RABGEF1: variants seen among roughly 807,000 people sequenced by gnomAD.
RABGEF1 encodes the protein rab5 GDP/GTP exchange factor.
Under a neutral mutation model 57.3 loss-of-function variants are expected in RABGEF1, and 26 were observed. That is an observed-to-expected ratio of 0.45 (90% CI 0.33 to 0.63). The LOEUF (loss-of-function observed/expected upper bound fraction) is 0.63, where lower values mean the gene tolerates loss of function less well. Among genes scored for constraint, RABGEF1 ranks in the 20% least tolerant of loss-of-function variants. The pLI is 0.02. For missense variants in RABGEF1, 464 were observed against 607.6 expected (o/e 0.76, Z 2.48); for synonymous variants, 185 against 210.7 (o/e 0.88, Z 1.06).
intron 1 of RABGEF1, among the ~76,000 whole-genome samples, chr7:66,711,034 C>T (rs965377244): frequency 2.0e-5 from 3 of 152,054 alleles, no homozygotes; most frequent in Non-Finnish European, 2.9e-5. Context: ...ATGGCGTGTA[C>T]CTGTAGTCCC....
At chr7:66,758,477 A>G (rs1045506168) in intron 1 of RABGEF1, among the ~76,000 whole-genome samples, 17 of 152,178 alleles carry the variant, frequency 1.1e-4, no homozygotes, top group African/African-American at 3.1e-4. Flanking sequence ...CCAAGCTTCT[A>G]TTTATTGGAA....
intron 8 of RABGEF1, among the ~76,000 whole-genome samples, chr7:66,805,911 A>AT (rs397966748): frequency 0.01 from 1,455 of 140,858 alleles, 19 homozygotes; most frequent in African/African-American, 0.021. Flanking sequence ...CACCGGGCCA[A>AT]TTTTTTTTTT....
At chr7:66,704,999 A>G (rs1793800470) in intron 1 of RABGEF1, among the ~76,000 whole-genome samples, 1 of 152,180 alleles carries the variant, frequency 6.6e-6, no homozygotes, top group Non-Finnish European at 1.5e-5. Context: ...GGATTCTTGT[A>G]CATGTTTTGT....
intron 1 of RABGEF1, among the ~76,000 whole-genome samples, chr7:66,696,177 C>T (rs998761364): frequency 2.0e-5 from 3 of 152,078 alleles, no homozygotes; most frequent in Non-Finnish European, 4.4e-5. Flanking sequence ...GCTATCCTCT[C>T]GCTTCTGGCC....
At chr7:66,675,947 C>CA in the RABGEF1 span, among the ~76,000 whole-genome samples, 1 of 152,266 alleles carries the variant, frequency 6.6e-6, no homozygotes, top group African/African-American at 2.4e-5. Context: ...AATGGAAAGA[C>CA]ATGTCATGTA....
At chr7:66,734,836 C>T (rs1193081704) in intron 2 of RABGEF1, among the ~76,000 whole-genome samples, 2 of 152,128 alleles carry the variant, frequency 1.3e-5, no homozygotes, top group African/African-American at 2.4e-5. Context: ...CTTCCTCCTG[C>T]TCGGTTGGTC....
In RABGEF1 at chr7:66,720,060, CA is replaced by C. The variant is rs1165157963; in HGVS notation, c.-815+7841del. Among the ~76,000 whole-genome samples, 16 of 151,590 alleles carry C rather than the reference CA, an allele frequency of 1.1e-4. No individual in the cohort carries two copies. In the East Asian group the frequency reaches 2.1e-3, roughly 20 times the overall value. On this transcript the variant is annotated intron_variant and NMD_transcript_variant, in intron 2 of 9. Coordinates refer to the RABGEF1 transcript ENST00000607882. ...TACAATGTTGCTTTAACAACAAAAA[CA>C]AAAATAAGTCAATGTAATGCAATAT...
intron 1 of RABGEF1, among the ~76,000 whole-genome samples, chr7:66,686,834 T>C (rs1007847714): frequency 1.8e-4 from 28 of 151,966 alleles, no homozygotes; most frequent in Admixed American, 1.3e-4. Context: ...TTTTCTTTTT[T>C]TTTTTGAGAT....
intron 1 of RABGEF1, among the ~76,000 whole-genome samples, chr7:66,762,363 G>A (rs1353364080): frequency 6.6e-6 from 1 of 152,046 alleles, no homozygotes; most frequent in African/African-American, 2.4e-5. Flanking sequence ...GGCCAAGGTG[G>A]GTGGATCACT....
intron 1 of RABGEF1, among the ~76,000 whole-genome samples, chr7:66,694,615 C>T (rs555973899): frequency 6.6e-6 from 1 of 152,342 alleles, no homozygotes; most frequent in Non-Finnish European, 1.5e-5. Flanking sequence ...GGGCAGGGCC[C>T]AGGAGCTAGT....
intron 4 of RABGEF1, among the ~76,000 whole-genome samples, chr7:66,788,552 A>G (rs1345371031): frequency 1.3e-5 from 2 of 152,154 alleles, no homozygotes; most frequent in Non-Finnish European, 2.9e-5. Flanking sequence ...TACTCCATTC[A>G]TGGCAATCAA....
chr7:66,754,777 C>T (rs1259389389), intron 1 of RABGEF1, among the ~76,000 whole-genome samples: 9 of 152,140 alleles, frequency 5.9e-5, no homozygotes, highest in Non-Finnish European at 1.3e-4. Context: ...TTCTCTAAAC[C>T]AGTGTGGGCG....
At chr7:66,756,780 T>C (rs934720276) in intron 1 of RABGEF1, among the ~76,000 whole-genome samples, 1 of 152,192 alleles carries the variant, frequency 6.6e-6, no homozygotes, top group African/African-American at 2.4e-5. Context: ...TCTTTAACTT[T>C]TTAAAGATAC....
intron 4 of RABGEF1, among the ~76,000 whole-genome samples, chr7:66,789,479 G>A (rs1398846990): frequency 1.3e-5 from 2 of 151,922 alleles, no homozygotes; most frequent in African/African-American, 4.8e-5. Flanking sequence ...TCAGGAGATC[G>A]AGACCATCCT....
At chr7:66,729,431 C>T (rs1229776131) in intron 2 of RABGEF1, among the ~76,000 whole-genome samples, 1 of 152,246 alleles carries the variant, frequency 6.6e-6, no homozygotes, top group African/African-American at 2.4e-5. Flanking sequence ...TCTGTCCTCC[C>T]GTCTATTCTC....
intron 1 of RABGEF1, among the ~76,000 whole-genome samples, chr7:66,749,906 G>A (rs913137960): frequency 2.0e-5 from 3 of 152,084 alleles, no homozygotes; most frequent in Non-Finnish European, 1.5e-5. Context: ...CCTGGGAGGC[G>A]GAGCTTGCAG....
intron 2 of RABGEF1, among the ~76,000 whole-genome samples, 160 bp from the exon 3 acceptor site, chr7:66,775,067 C>G (rs1808201888): frequency 1.3e-5 from 2 of 152,150 alleles, no homozygotes; most frequent in Admixed American, 1.3e-4. Context: ...CATGAAGAGC[C>G]GTCCATCCTG....
chr7:66,682,121 G>C (rs1036648649), upstream of RABGEF1: 1 of 167,878 alleles, frequency 6.0e-6, no homozygotes. Context: ...GGGGGGGCGG[G>C]GCAAGCAGGG....
Position 66,796,907 on chromosome 7 carries a change from T to C in RABGEF1, c.596-467T>C, listed in dbSNP as rs189727666. Reference sequence around the variant, plus strand: ...GCACCCAGCTGGTAAGTTTTTTTTTTAAGCGTATTTTTAAATATAACATTC... The same window carrying C: ...GCACCCAGCTGGTAAGTTTTTTTTTCAAGCGTATTTTTAAATATAACATTC... On this transcript the variant is annotated intron_variant, in intron 5 of 8. Coordinates refer to ENST00000284957, the MANE Select transcript of RABGEF1 (RefSeq NM_014504.3). 1.5e-3 allele frequency: 692 copies of C among 447,356 alleles called. 7 individuals are homozygous for C. The highest frequency in any genetic ancestry group is 0.013 in the African/African-American group (641 of 49,308). The allele number at this position is 447,356 out of a possible 1,614,324, so 27.7% of individuals were successfully genotyped here.
Sources: allele counts gnomAD v4.1 joint callset (sites outside exome capture counted in the v4.1 genomes callset), GRCh38; gene constraint gnomAD v4.1.1; transcripts MANE v1.5; gene names NCBI Gene and HGNC (gene_info 2026-07-23, HGNC 2026-07-21).